The following STK38L variants were observed in gnomAD, a reference collection of about 807,000 sequenced individuals.
STK38L encodes the protein serine/threonine-protein kinase 38-like.
In STK38L, 28 loss-of-function variants were observed where a neutral mutation model predicts 59.7. The observed-to-expected ratio is 0.47, with a 90% CI of 0.35 to 0.64. The LOEUF is 0.64. STK38L is among the 30% of genes least tolerant of loss of function. The pLI, the probability that STK38L is intolerant of heterozygous loss-of-function variation, is 0.01. For synonymous variants in STK38L, 162 were observed against 176.8 expected (o/e 0.92, Z 0.66); for missense variants, 314 against 555.8 (o/e 0.56, Z 4.37).
At chr12:27,246,620 CT>C (rs1261526460) in intron 1 of STK38L, among the ~76,000 whole-genome samples, 2 of 152,092 alleles carry the variant, frequency 1.3e-5, no homozygotes, top group African/African-American at 4.8e-5. Flanking sequence ...TAAGACATAA[CT>C]TTTTTAAAAA....
At chr12:27,254,505 A>G (rs1156652922) in intron 1 of STK38L, among the ~76,000 whole-genome samples, 2 of 152,190 alleles carry the variant, frequency 1.3e-5, no homozygotes, top group South Asian at 4.1e-4. Context: ...GATAAAAAGC[A>G]CTACAGATTT....
intron 6 of STK38L, among the ~76,000 whole-genome samples, chr12:27,313,829 C>G (rs1488060243): frequency 6.6e-6 from 1 of 151,984 alleles, no homozygotes; most frequent in Non-Finnish European, 1.5e-5. Flanking sequence ...CTGCAGGTGC[C>G]TTTTTTAGTG....
chr12:27,259,451 T>C (rs942063553), intron 1 of STK38L, among the ~76,000 whole-genome samples: 3 of 152,194 alleles, frequency 2.0e-5, no homozygotes, highest in African/African-American at 4.8e-5. Flanking sequence ...CACTTTTTGC[T>C]GTCGTTCTCC....
chr12:27,321,943 T>A (rs1944738455), intron 12 of STK38L, among the ~76,000 whole-genome samples, 200 bp from the exon 13 acceptor site: 2 of 152,122 alleles, frequency 1.3e-5, no homozygotes, highest in Non-Finnish European at 2.9e-5. Flanking sequence ...ATATTTAAAA[T>A]TCTAAGTAAA....
intron 1 of STK38L, among the ~76,000 whole-genome samples, chr12:27,248,012 A>G (rs1039921063): frequency 6.6e-6 from 1 of 151,972 alleles, no homozygotes; most frequent in Admixed American, 6.5e-5. Context: ...ACAGGGTTTC[A>G]CTATGTTGCC....
At chr12:27,290,221 T>C (rs767487592) in intron 1 of STK38L, among the ~76,000 whole-genome samples, 2 of 152,188 alleles carry the variant, frequency 1.3e-5, no homozygotes, top group Non-Finnish European at 2.9e-5. Flanking sequence ...AAGGTGGCTA[T>C]TATTATATTT....
intron 12 of STK38L, among the ~76,000 whole-genome samples, chr12:27,319,979 T>C (rs973406124): frequency 1.3e-5 from 2 of 152,238 alleles, no homozygotes; most frequent in Admixed American, 1.3e-4. Flanking sequence ...CTGTGGCCTT[T>C]TGCACTTGGA....
chr12:27,293,902 G>A (rs568342981), intron 1 of STK38L, among the ~76,000 whole-genome samples: 1 of 152,146 alleles, frequency 6.6e-6, no homozygotes, highest in Non-Finnish European at 1.5e-5. Context: ...TTGTAAAGTG[G>A]CAAACCACTT....
intron 1 of STK38L, 57 bp from the exon 2 acceptor site, chr12:27,297,653 A>G: frequency 1.3e-6 from 2 of 1,534,590 alleles, no homozygotes; most frequent in Non-Finnish European, 1.8e-6. Flanking sequence ...AGAGTTTATT[A>G]TAAAAGATAG....
At chr12:27,255,309 G>C (rs1943069047) in intron 1 of STK38L, among the ~76,000 whole-genome samples, 3 of 152,188 alleles carry the variant, frequency 2.0e-5, no homozygotes, top group Admixed American at 6.5e-5. Flanking sequence ...ATTAGAGCCT[G>C]TGCTTTTCTG....
intron 2 of STK38L, chr12:27,300,455 G>C (rs574252439): frequency 2.2e-6 from 1 of 444,718 alleles, no homozygotes; most frequent in Non-Finnish European, 4.5e-6. Flanking sequence ...AATAACTGAG[G>C]AAAGGGACAG....
chr12:27,284,805 T>C (rs559156098), intron 1 of STK38L, among the ~76,000 whole-genome samples: 3 of 152,246 alleles, frequency 2.0e-5, no homozygotes, highest in Admixed American at 6.5e-5. Flanking sequence ...GTATTAATGA[T>C]AAAGGTCATT....
chr12:27,302,340 T>C, intron 3 of STK38L, 152 bp downstream of exon 3: 1 of 547,480 alleles, frequency 1.8e-6, no homozygotes, highest in Non-Finnish European at 3.1e-6. Flanking sequence ...TATTGATATC[T>C]TTAGAAGGAG....
At chr12:27,270,040 T>A (rs1943391000) in intron 1 of STK38L, among the ~76,000 whole-genome samples, 1 of 152,202 alleles carries the variant, frequency 6.6e-6, no homozygotes, top group South Asian at 2.1e-4. Context: ...CTGCTACAAT[T>A]TTATTTTCAG....
At chr12:27,287,232 A>G (rs1943793425) in intron 1 of STK38L, among the ~76,000 whole-genome samples, 1 of 151,722 alleles carries the variant, frequency 6.6e-6, no homozygotes, top group Admixed American at 6.6e-5. Context: ...CAGCCTCCTG[A>G]GTAGCTAGGA....
intron 1 of STK38L, among the ~76,000 whole-genome samples, chr12:27,282,556 A>T (rs1943683702): frequency 6.6e-6 from 1 of 152,188 alleles, no homozygotes; most frequent in Non-Finnish European, 1.5e-5. Context: ...TATCAAACTG[A>T]CAAAAATTAA....
chr12:27,272,543 A>C (rs917027936), intron 1 of STK38L, among the ~76,000 whole-genome samples: 1 of 152,210 alleles, frequency 6.6e-6, no homozygotes. Flanking sequence ...GGCATCACAC[A>C]GATTGAATTC....
intron 1 of STK38L, among the ~76,000 whole-genome samples, chr12:27,270,423 G>A (rs912740867): frequency 1.3e-5 from 2 of 151,946 alleles, no homozygotes; most frequent in Non-Finnish European, 2.9e-5. Flanking sequence ...GTGCATCCAG[G>A]CTGGAGTGCA....
intron 1 of STK38L, among the ~76,000 whole-genome samples, chr12:27,267,001 A>G (rs1424816820): frequency 1.3e-5 from 2 of 152,166 alleles, no homozygotes; most frequent in African/African-American, 4.8e-5. Flanking sequence ...GATACTTTAT[A>G]TCATTGCTTT....
Sources: gnomAD v4.1 joint callset for allele counts (sites outside exome capture counted in the v4.1 genomes callset) on GRCh38, gnomAD v4.1.1 for gene constraint, MANE v1.5 for transcripts, NCBI Gene and HGNC (gene_info 2026-07-23, HGNC 2026-07-21) for gene names.